The following BPIFB2 variants were observed in gnomAD, a reference collection of about 807,000 sequenced individuals.
BPIFB2 encodes the protein BPI fold-containing family B member 2.
Under a neutral mutation model 50.1 loss-of-function variants are expected in BPIFB2, and 39 were observed. The ratio of observed to expected loss-of-function variants is 0.78; its 90% CI spans 0.60 to 1.02. BPIFB2 has a LOEUF of 1.02. Among genes scored for constraint, BPIFB2 ranks in the 50% least tolerant of loss-of-function variants. The pLI, the probability that BPIFB2 is intolerant of heterozygous loss-of-function variation, is 0.00. For missense variants in BPIFB2, 574 were observed against 585.8 expected, an observed-to-expected ratio of 0.98 and a Z score of 0.21; for synonymous variants, 280 against 256.3, an observed-to-expected ratio of 1.09 and a Z score of -0.88.
intron 11 of BPIFB2, among the ~76,000 whole-genome samples, 172 bp downstream of exon 11, chr20:33,019,922 A>AC (rs1356654450): frequency 1.3e-5 from 2 of 151,586 alleles, no homozygotes; most frequent in African/African-American, 4.9e-5. Flanking sequence ...TCGGCCTAGG[A>AC]CTCTCCCACC....
At chr20:33,019,839 A>C in intron 11 of BPIFB2, 89 bp downstream of exon 11, 1 of 1,397,450 alleles carries the variant, frequency 7.2e-7, no homozygotes, top group Non-Finnish European at 9.5e-7. Flanking sequence ...TGCTCTACTC[A>C]CACTATTGTC....
intron 9 of BPIFB2, 27 bp from the exon 10 acceptor site, chr20:33,019,035 T>C: frequency 6.2e-7 from 1 of 1,614,070 alleles, no homozygotes; most frequent in African/African-American, 1.3e-5. Context: ...TCCTAAAACC[T>C]GTTGTGGCCT....
At chr20:33,022,446 GC>G (rs1978710169) in intron 15 of BPIFB2, among the ~76,000 whole-genome samples, 1 of 152,136 alleles carries the variant, frequency 6.6e-6, no homozygotes, top group Non-Finnish European at 1.5e-5. Context: ...GTGATTATCC[GC>G]CCCCATGAGA....
intron 4 of BPIFB2, among the ~76,000 whole-genome samples, chr20:33,013,409 G>T (rs1990315296): frequency 6.6e-6 from 1 of 152,148 alleles, no homozygotes. Context: ...TTTTATGATT[G>T]CTTCCTGTGG....
At position 33,023,461 on chromosome 20, in the gene BPIFB2, C is replaced by G; in HGVS notation, c.*78C>G. ...TTCTCATTTCAAGCCACTGGGGAAACTGAGGCAAAACCATACTTAGTCATC... is the reference window on the plus strand; with the variant it reads ...TTCTCATTTCAAGCCACTGGGGAAAGTGAGGCAAAACCATACTTAGTCATC... On this transcript the variant is annotated 3_prime_UTR_variant, in exon 16 of 16. Transcript: ENST00000170150. 2 of 1,525,150 alleles carry G rather than the reference C, an allele frequency of 1.3e-6. No homozygotes were observed. Among genetic ancestry groups the G allele is most frequent in the Non-Finnish European group, 9.1e-7 (1 of 1,101,116 alleles). The allele number at this position is 1,525,150 out of a possible 1,614,324, so 94.5% of individuals were successfully genotyped here. A position where few individuals can be genotyped will look rare whatever the true frequency, so the allele number is the denominator to read the frequency against.
chr20:33,016,557 C>A (rs1978438904), intron 6 of BPIFB2, among the ~76,000 whole-genome samples: 1 of 152,220 alleles, frequency 6.6e-6, no homozygotes, highest in South Asian at 2.1e-4. Flanking sequence ...ACACTGATCC[C>A]AACATAATGT....
Position 33,020,351 on chromosome 20 carries a change from C to G in BPIFB2, c.1104C>G (p.Leu368=), listed in dbSNP as rs764106425. The change falls in exon 12 of 16, where the codon CTC becomes CTG. Residue 368 remains leucine (L), a synonymous_variant. Transcript: ENST00000170150. ...LDVVVNLRLQ[L]SVSKVKLQGT... is the part of the protein sequence containing the mutation. ...AGGTAGTGAACTTGAGACTCCAGCT[C>G]TCTGTGTCCAAGGTGAAGCTTCAGG... 5 of 1,614,030 alleles carry G rather than the reference C, an allele frequency of 3.1e-6. No individual in the cohort carries two copies. The highest frequency in any genetic ancestry group is 2.2e-5 in the East Asian group (1 of 44,888).
intron 11 of BPIFB2, 115 bp downstream of exon 11, chr20:33,019,865 A>T (rs929953709): frequency 7.7e-7 from 1 of 1,297,256 alleles, no homozygotes; most frequent in Admixed American, 2.7e-5. Flanking sequence ...TGTTCCTTGA[A>T]TGTGTCAGGA....
intron 13 of BPIFB2, 129 bp downstream of exon 13, chr20:33,020,716 C>T (rs570030323): frequency 1.9e-5 from 21 of 1,120,896 alleles, no homozygotes; most frequent in South Asian, 1.1e-4. Context: ...CAGGCTTCCC[C>T]GGGCTGCTTG....
In BPIFB2 at chr20:33,023,323, G is replaced by A. The variant is rs746539196; in HGVS notation, c.1336-19G>A. Reference sequence around the variant, plus strand: ...CTGTGCCTCCTCTGACCTGGTCCATGGTTTCCTTTGCCCTTCAGGGCTACG... The same window carrying A: ...CTGTGCCTCCTCTGACCTGGTCCATAGTTTCCTTTGCCCTTCAGGGCTACG... On this transcript the variant is annotated intron_variant, in intron 15 of 15. Transcript: ENST00000170150. The A allele has an allele frequency of 6.2e-7, 1 of 1,613,142 alleles. No homozygotes were observed. Among genetic ancestry groups the A allele is most frequent in the African/African-American group, 1.3e-5 (1 of 75,004 alleles).
intron 3 of BPIFB2, among the ~76,000 whole-genome samples, chr20:33,011,592 G>A (rs1990289207): frequency 6.6e-6 from 1 of 152,198 alleles, no homozygotes; most frequent in Admixed American, 6.5e-5. Flanking sequence ...CTTCCACATA[G>A]GAACTAGGGC....
chr20:33,022,410 A>G (rs1208936620), intron 15 of BPIFB2, among the ~76,000 whole-genome samples: 4 of 152,192 alleles, frequency 2.6e-5, no homozygotes, highest in Admixed American at 2.6e-4. Context: ...CTTGTTCCTT[A>G]AGAACTACTC....
At chr20:33,019,887 C>A in intron 11 of BPIFB2, 137 bp downstream of exon 11, 1 of 1,190,734 alleles carries the variant, frequency 8.4e-7, no homozygotes, top group East Asian at 2.7e-5. Flanking sequence ...ACTCCCGCCC[C>A]AGGACCTTTG....
chr20:33,014,051 C>A, intron 5 of BPIFB2, 95 bp downstream of exon 5: 1 of 1,461,394 alleles, frequency 6.8e-7, no homozygotes, highest in East Asian at 2.4e-5. Context: ...TAACCAATGG[C>A]CACAAGGGCC....
intron 7 of BPIFB2, 77 bp downstream of exon 7, chr20:33,017,179 A>C: frequency 7.2e-7 from 1 of 1,384,380 alleles, no homozygotes; most frequent in East Asian, 2.3e-5. Context: ...CAAAGGCTCC[A>C]CTCTGGATCA....
At chr20:33,021,255 C>G in intron 13 of BPIFB2, 26 bp from the exon 14 acceptor site, 2 of 1,613,444 alleles carry the variant, frequency 1.2e-6, no homozygotes, top group Non-Finnish European at 1.7e-6. Flanking sequence ...TGGGACGGGC[C>G]CATCTCCCTG....
chr20:33,023,401 G>A lies in BPIFB2; in HGVS notation c.*18G>A. On this transcript the variant is annotated 3_prime_UTR_variant, in exon 16 of 16. Transcript: ENST00000170150. ...AGAGCTGAGGCAAGACCACTGGGAG[G>A]CCTGAGAGTGGGCCAGCTCGCTGCT... 5.6e-6 allele frequency: 9 copies of A among 1,613,238 alleles called. No homozygotes were observed. Among genetic ancestry groups the A allele is most frequent in the Non-Finnish European group, 7.6e-6 (9 of 1,179,248 alleles).
At chr20:33,010,698 G>T (rs1402724713) in intron 2 of BPIFB2, among the ~76,000 whole-genome samples, 2 of 152,054 alleles carry the variant, frequency 1.3e-5, no homozygotes, top group African/African-American at 4.8e-5. Flanking sequence ...CTTAGGGAAG[G>T]CTCCCAGAGG....
At chr20:33,012,738 C>A in intron 3 of BPIFB2, 65 bp from the exon 4 acceptor site, 1 of 1,300,978 alleles carries the variant, frequency 7.7e-7, no homozygotes, top group Non-Finnish European at 1.1e-6. Flanking sequence ...CTCAGAGCAC[C>A]CACCCCAGAG....
Sources: allele counts gnomAD v4.1 joint callset (sites outside exome capture counted in the v4.1 genomes callset), GRCh38; gene constraint gnomAD v4.1.1; transcripts MANE v1.5; gene names NCBI Gene and HGNC (gene_info 2026-07-23, HGNC 2026-07-21).